The following MELK variants were observed in gnomAD, a reference collection of about 807,000 sequenced individuals.
MELK encodes the protein pEg3 kinase.
Under a neutral mutation model 85.0 loss-of-function variants are expected in MELK, and 81 were observed. The ratio of observed to expected loss-of-function variants is 0.95; its 90% CI spans 0.80 to 1.15. The LOEUF (loss-of-function observed/expected upper bound fraction) is 1.15, where lower values mean the gene tolerates loss of function less well. MELK is among the 50% of genes most tolerant of loss of function. MELK has a pLI of 0.00. For missense variants in MELK, 754 were observed against 777.5 expected, an observed-to-expected ratio of 0.97 and a Z score of 0.36; for synonymous variants, 252 against 265.0, an observed-to-expected ratio of 0.95 and a Z score of 0.48.
chr9:36,666,853 TTGTGTGTGTGTGTGTGTGTGTG>T (rs5897643), intron 14 of MELK, among the ~76,000 whole-genome samples: 52 of 130,836 alleles, frequency 4.0e-4, no homozygotes, highest in South Asian at 1.4e-3. Flanking sequence ...ATGTCTGTGT[TTGTGTGTGTGTGTGTGTGTGTG>T]TGTGTGTGTG....
intron 11 of MELK, among the ~76,000 whole-genome samples, chr9:36,646,202 A>G (rs1587550764): frequency 6.6e-6 from 1 of 152,324 alleles, no homozygotes; most frequent in East Asian, 1.9e-4. Flanking sequence ...GGTAGCTCAG[A>G]GAATTCATAC....
chr9:36,671,376 A>G (rs1170396116), intron 16 of MELK, among the ~76,000 whole-genome samples: 1 of 152,222 alleles, frequency 6.6e-6, no homozygotes, highest in Non-Finnish European at 1.5e-5. Context: ...GCAAACAGCT[A>G]TCATTCAAAT....
chr9:36,573,183 C>G (rs969786531), intron 1 of MELK, 176 bp downstream of exon 1: 12 of 152,252 alleles, frequency 7.9e-5, no homozygotes, highest in African/African-American at 2.9e-4. Context: ...CTTTCCGACC[C>G]GCGGTTTTCT....
intron 5 of MELK, 91 bp from the exon 6 acceptor site, chr9:36,597,131 C>A: frequency 9.6e-7 from 1 of 1,046,964 alleles, no homozygotes; most frequent in Non-Finnish European, 1.4e-6. Flanking sequence ...GCTGCCACAC[C>A]TGGCCTTAAG....
chr9:36,616,387 C>CT (rs60212848), intron 8 of MELK, among the ~76,000 whole-genome samples: 1,326 of 114,622 alleles, frequency 0.012, 28 homozygotes, highest in East Asian at 0.021. Context: ...ATGTCAAACT[C>CT]TTTTTTTTTT....
intron 8 of MELK, chr9:36,630,079 A>G: frequency 2.0e-6 from 1 of 491,894 alleles, no homozygotes; most frequent in Non-Finnish European, 3.6e-6. Flanking sequence ...TCCTGATCTC[A>G]GGTGATCTGC....
chr9:36,588,974 T>C (rs1274633106), intron 3 of MELK, among the ~76,000 whole-genome samples: 3 of 152,202 alleles, frequency 2.0e-5, no homozygotes, highest in Admixed American at 6.5e-5. Context: ...TTGTTTGGAA[T>C]GCTAACCTTC....
In MELK at chr9:36,578,906, G is replaced by A. The variant is rs181907954; in HGVS notation, c.-38-2738G>A. 1.8e-4 allele frequency among the ~76,000 whole-genome samples: 27 copies of A among 152,182 alleles called. No homozygotes were observed. The East Asian group carries it at 4.0e-3, about 23-fold the overall frequency. On this transcript the variant is annotated intron_variant, in intron 1 of 17. Transcript: ENST00000298048. ...CTCCCAGGCTGGAGTGCAGTGGCACGATCTTGGCTCACTGCAACCTCTGCC... is the reference window on the plus strand; with the variant it reads ...CTCCCAGGCTGGAGTGCAGTGGCACAATCTTGGCTCACTGCAACCTCTGCC...
intron 2 of MELK, among the ~76,000 whole-genome samples, chr9:36,583,334 A>G (rs1012774721): frequency 3.9e-5 from 6 of 151,958 alleles, no homozygotes; most frequent in Admixed American, 3.9e-4. Context: ...GCAACTTTAT[A>G]TTGTGTTCTA....
chr9:36,624,278 A>T (rs1173283622), intron 8 of MELK, among the ~76,000 whole-genome samples: 1 of 151,982 alleles, frequency 6.6e-6, no homozygotes, highest in African/African-American at 2.4e-5. Flanking sequence ...CTTTTTTTAG[A>T]TGAAGAAAGT....
At chr9:36,616,746 A>AT (rs1357947458) in intron 8 of MELK, among the ~76,000 whole-genome samples, 2 of 147,426 alleles carry the variant, frequency 1.4e-5, no homozygotes, top group Non-Finnish European at 3.0e-5. Flanking sequence ...ATTTTTACGT[A>AT]TTTTTTTCAG....
In MELK at chr9:36,671,675, A is replaced by G. The variant is rs531000368; in HGVS notation, c.1674+509A>G. Among the ~76,000 whole-genome samples, 90 of 152,208 alleles carry G rather than the reference A, an allele frequency of 5.9e-4. 1 individual carries two copies. Among genetic ancestry groups the G allele is most frequent in the South Asian group, 3.5e-3 (17 of 4,808 alleles). On this transcript the variant is annotated intron_variant, in intron 16 of 17. Coordinates refer to ENST00000298048, the MANE Select transcript of MELK (RefSeq NM_014791.4). ...GGTGTGGATCTTATTTAATAGACCC[A>G]GTATGCTTTAAAAGGGTTAATGTGT...
chr9:36,616,502 G>A (rs1223025026), intron 8 of MELK, among the ~76,000 whole-genome samples: 1 of 149,532 alleles, frequency 6.7e-6, no homozygotes, highest in East Asian at 2.0e-4. Flanking sequence ...CGATTCTTCT[G>A]CCTCAGCCTC....
chr9:36,667,221 T>C (rs1486043650), intron 14 of MELK, among the ~76,000 whole-genome samples: 1 of 151,934 alleles, frequency 6.6e-6, no homozygotes, highest in Non-Finnish European at 1.5e-5. Context: ...AGTGGTGCGA[T>C]CTCGGCTCAC....
At chr9:36,614,303 CCATGTTGGT>C in intron 8 of MELK, among the ~76,000 whole-genome samples, 1 of 151,914 alleles carries the variant, frequency 6.6e-6, no homozygotes, top group South Asian at 2.1e-4. Context: ...GCCATGTTGG[CCATGTTGGT>C]CTTGAACTCC....
At chr9:36,590,211 T>C (rs1055820718) in intron 4 of MELK, among the ~76,000 whole-genome samples, 1 of 152,134 alleles carries the variant, frequency 6.6e-6, no homozygotes, top group Non-Finnish European at 1.5e-5. Flanking sequence ...TGAGCCACCG[T>C]GCCCAGCCTC....
At chr9:36,615,820 C>T (rs1238742391) in intron 8 of MELK, among the ~76,000 whole-genome samples, 2 of 150,156 alleles carry the variant, frequency 1.3e-5, no homozygotes, top group Non-Finnish European at 3.0e-5. Flanking sequence ...AGGCGCTCCT[C>T]ACTTCCTAGA....
intron 3 of MELK, 111 bp downstream of exon 3, chr9:36,583,823 C>A: frequency 1.4e-6 from 1 of 730,472 alleles, no homozygotes; most frequent in Non-Finnish European, 2.2e-6. Flanking sequence ...ATTTTTATAC[C>A]TTTTAAAAAA....
At chr9:36,653,559 A>G (rs1830922937) in intron 12 of MELK, among the ~76,000 whole-genome samples, 1 of 152,222 alleles carries the variant, frequency 6.6e-6, no homozygotes, top group Admixed American at 6.5e-5. Context: ...CCCATGGCTT[A>G]AAATTCAGCT....
Sources: gnomAD v4.1 joint callset for allele counts (sites outside exome capture counted in the v4.1 genomes callset) on GRCh38, gnomAD v4.1.1 for gene constraint, MANE v1.5 for transcripts, NCBI Gene and HGNC (gene_info 2026-07-23, HGNC 2026-07-21) for gene names.